Variants in PEPD observed in about 807,000 individuals in gnomAD.
The protein encoded by PEPD is peptidase D, also known as xaa-Pro dipeptidase.
PEPD carries 53 observed loss-of-function variants against 60.7 expected under a neutral mutation model. That is an observed-to-expected ratio of 0.87 (90% CI 0.70 to 1.10). The LOEUF is 1.10. PEPD is among the 50% of genes least tolerant of loss of function. The pLI, the probability that PEPD is intolerant of heterozygous loss-of-function variation, is 0.00. For missense variants in PEPD, 711 were observed against 711.9 expected (o/e 1.00, Z 0.01); for synonymous variants, 267 against 284.1 (o/e 0.94, Z 0.60).
At chr19:33,466,770 G>T (rs201886221) in intron 7 of PEPD, among the ~76,000 whole-genome samples, 1 of 118,600 alleles carries the variant, frequency 8.4e-6, no homozygotes, top group African/African-American at 2.6e-5. Flanking sequence ...AAAAAAAAAA[G>T]AAATAAAAAT....
At chr19:33,499,124 T>C (rs1970662702) in intron 4 of PEPD, among the ~76,000 whole-genome samples, 1 of 152,156 alleles carries the variant, frequency 6.6e-6, no homozygotes, top group South Asian at 2.1e-4. Context: ...ATTGGGAGCA[T>C]GCAAATAAAC....
intron 11 of PEPD, among the ~76,000 whole-genome samples, chr19:33,409,116 G>C (rs1968706101): frequency 6.6e-6 from 1 of 152,246 alleles, no homozygotes; most frequent in South Asian, 2.1e-4. Flanking sequence ...CGAGGCCACA[G>C]CATCTGGGAT....
chr19:33,471,164 AG>A (rs1278235628), intron 7 of PEPD, among the ~76,000 whole-genome samples: 1 of 152,156 alleles, frequency 6.6e-6, no homozygotes, highest in Non-Finnish European at 1.5e-5. Flanking sequence ...TATTCTACAA[AG>A]GCAGTTCTCT....
intron 1 of PEPD, among the ~76,000 whole-genome samples, chr19:33,513,525 C>T (rs534643582): frequency 2.3e-4 from 35 of 152,324 alleles, no homozygotes; most frequent in African/African-American, 7.2e-4. Flanking sequence ...ACATCCCCAT[C>T]CCCAGGGCCA....
chr19:33,515,206 G>C (rs1971003377), intron 1 of PEPD, among the ~76,000 whole-genome samples: 1 of 152,196 alleles, frequency 6.6e-6, no homozygotes, highest in African/African-American at 2.4e-5. Context: ...ACAGCTGTGG[G>C]ATGAGAAGAT....
At chr19:33,505,615 C>A (rs1970785563) in intron 3 of PEPD, among the ~76,000 whole-genome samples, 2 of 151,910 alleles carry the variant, frequency 1.3e-5, no homozygotes, top group South Asian at 4.1e-4. Flanking sequence ...AAGCCTCGAT[C>A]CTGGGGACAC....
Position 33,463,051 on chromosome 19 carries a change from G to A in PEPD, c.625-10C>T, listed in dbSNP as rs1334418705. 5 of 1,553,092 alleles carry A rather than the reference G, an allele frequency of 3.2e-6. No homozygotes were observed. Among genetic ancestry groups the A allele is most frequent in the South Asian group, 1.1e-5 (1 of 89,820 alleles). ...TTACAGCCTTCATTACCTGGAGGACGGATATTAAGCAAAGACATTTGTATT... is the reference window on the plus strand; with the variant it reads ...TTACAGCCTTCATTACCTGGAGGACAGATATTAAGCAAAGACATTTGTATT... On this transcript the variant is annotated splice_polypyrimidine_tract_variant and intron_variant, in intron 8 of 14. Coordinates refer to ENST00000244137, the MANE Select transcript of PEPD (RefSeq NM_000285.4).
intron 5 of PEPD, among the ~76,000 whole-genome samples, chr19:33,491,239 G>A (rs1348159631): frequency 1.3e-5 from 2 of 152,064 alleles, no homozygotes; most frequent in East Asian, 2.0e-4. Context: ...CAGATCACCT[G>A]AGGTTGGGAG....
intron 13 of PEPD, among the ~76,000 whole-genome samples, chr19:33,390,333 G>A (rs1190543514): frequency 6.6e-6 from 1 of 152,218 alleles, no homozygotes; most frequent in African/African-American, 2.4e-5. Context: ...ACAATGGGAT[G>A]AATAGACATT....
chr19:33,509,186 C>T (rs1970873159), intron 3 of PEPD, among the ~76,000 whole-genome samples: 1 of 152,234 alleles, frequency 6.6e-6, no homozygotes, highest in Non-Finnish European at 1.5e-5. Flanking sequence ...ATAAAGATCA[C>T]GACAGGATGG....
chr19:33,456,297 C>A (rs1422838609), intron 9 of PEPD, among the ~76,000 whole-genome samples: 1 of 152,156 alleles, frequency 6.6e-6, no homozygotes, highest in Non-Finnish European at 1.5e-5. Flanking sequence ...ACCTGCCCTG[C>A]CAGCACAGGG....
intron 4 of PEPD, 63 bp from the exon 5 acceptor site, chr19:33,493,400 C>T: frequency 9.1e-7 from 1 of 1,093,998 alleles, no homozygotes; most frequent in Non-Finnish European, 1.4e-6. Flanking sequence ...AGATGACATG[C>T]CACCATTCCT....
At chr19:33,462,881 A>C (rs1969952490) in intron 9 of PEPD, 114 bp downstream of exon 9, 1 of 786,136 alleles carries the variant, frequency 1.3e-6, no homozygotes, top group African/African-American at 1.7e-5. Context: ...CCCTGTTCAT[A>C]ATCTCCGCTC....
chr19:33,439,359 C>T (rs1295520152), intron 9 of PEPD, among the ~76,000 whole-genome samples: 1 of 152,254 alleles, frequency 6.6e-6, no homozygotes, highest in Non-Finnish European at 1.5e-5. Context: ...TCTGGCAGGA[C>T]CCTGAGGAGC....
intron 1 of PEPD, among the ~76,000 whole-genome samples, chr19:33,513,545 G>A (rs370364237): frequency 2.0e-5 from 3 of 152,188 alleles, no homozygotes; most frequent in South Asian, 4.2e-4. Context: ...ACCTCCCCAT[G>A]TCCCGTCTGG....
At chr19:33,515,031 T>C (rs1971000093) in intron 1 of PEPD, among the ~76,000 whole-genome samples, 1 of 152,168 alleles carries the variant, frequency 6.6e-6, no homozygotes, top group South Asian at 2.1e-4. Context: ...CAGCGGGTGC[T>C]GCCTGGTGCT....
intron 1 of PEPD, among the ~76,000 whole-genome samples, chr19:33,515,239 A>G (rs1971003998): frequency 6.6e-6 from 1 of 152,158 alleles, no homozygotes; most frequent in Admixed American, 6.5e-5. Flanking sequence ...GCAGCAGGGC[A>G]GGAAGCAGCC....
intron 1 of PEPD, among the ~76,000 whole-genome samples, chr19:33,514,220 C>T (rs981624995): frequency 2.0e-5 from 3 of 152,026 alleles, no homozygotes; most frequent in Non-Finnish European, 4.4e-5. Context: ...TGGGTGGGCA[C>T]GGAGGTCAAG....
chr19:33,420,380 C>T (rs1968986895), intron 9 of PEPD, among the ~76,000 whole-genome samples: 1 of 152,028 alleles, frequency 6.6e-6, no homozygotes, highest in Non-Finnish European at 1.5e-5. Flanking sequence ...GGTATAAACA[C>T]AGATTAATAT....
Sources: gnomAD v4.1 joint callset for allele counts (sites outside exome capture counted in the v4.1 genomes callset) on GRCh38, gnomAD v4.1.1 for gene constraint, MANE v1.5 for transcripts, NCBI Gene and HGNC (gene_info 2026-07-23, HGNC 2026-07-21) for gene names.